The following TMPRSS15 variants were observed in gnomAD, a reference collection of about 807,000 sequenced individuals.
TMPRSS15 encodes the protein enteropeptidase.
Under a neutral mutation model 125.3 loss-of-function variants are expected in TMPRSS15, and 128 were observed. The observed-to-expected ratio is 1.02, with a 90% confidence interval of 0.89 to 1.18. The LOEUF is 1.18. Ranked by LOEUF, TMPRSS15 falls within the 50% of genes most tolerant of loss-of-function variation. The probability of loss-of-function intolerance (pLI) is 0.00; values close to 1 mark genes in which losing one functional copy is unlikely to be tolerated. For missense variants in TMPRSS15, 1,283 were observed against 1,212.7 expected (o/e 1.06, Z -0.86); for synonymous variants, 446 against 423.2 (o/e 1.05, Z -0.66).
chr21:18,344,034 G>C lies in TMPRSS15; in HGVS notation c.1198C>G (p.Pro400Ala), dbSNP rs148444544. 5 of 1,613,740 alleles carry C rather than the reference G, an allele frequency of 3.1e-6. No individual in the cohort carries two copies. The highest frequency in any genetic ancestry group is 4.2e-6 in the Non-Finnish European group (5 of 1,179,988). ...CCCACTCGTTCTTGTCTCCCTCCTG[G>C]TCCAGTTGGGGTAGAAATGTAAAAT... ...SGFYISTPTG[P>A]GGRQERVGLL... The change falls in exon 11 of 25, where the codon CCA becomes GCA. Residue 400 changes from proline (P) to alanine (A), a missense_variant. Transcript: ENST00000284885.
At chr21:18,442,868 C>T (rs139484878) in intron 1 of TMPRSS15, among the ~76,000 whole-genome samples, 85 of 152,260 alleles carry the variant, frequency 5.6e-4, no homozygotes, top group African/African-American at 2.0e-3. Context: ...TCTGACGTAT[C>T]AATTCTATTT....
intron 19 of TMPRSS15, among the ~76,000 whole-genome samples, chr21:18,295,607 T>C (rs533364243): frequency 6.6e-6 from 1 of 152,334 alleles, no homozygotes; most frequent in South Asian, 2.1e-4. Flanking sequence ...CAGGAAAATA[T>C]ATGATAAAGT....
intron 1 of TMPRSS15, among the ~76,000 whole-genome samples, chr21:18,425,609 C>T (rs13050158): frequency 0.31 from 46,636 of 151,930 alleles, 9,091 homozygotes; most frequent in Middle Eastern, 0.46. Flanking sequence ...ATAAGTTATT[C>T]CTCAAACTCT....
chr21:18,385,085 T>C (rs974348203), intron 3 of TMPRSS15, among the ~76,000 whole-genome samples: 2 of 152,162 alleles, frequency 1.3e-5, no homozygotes, highest in African/African-American at 4.8e-5. Context: ...GATGATATAA[T>C]ATTTTTGATA....
intron 3 of TMPRSS15, among the ~76,000 whole-genome samples, chr21:18,393,138 G>A (rs2076004944): frequency 6.6e-6 from 1 of 152,132 alleles, no homozygotes; most frequent in Non-Finnish European, 1.5e-5. Flanking sequence ...GAAGGCCAGA[G>A]TGTGTTTTGG....
chr21:18,353,035 A>T lies in TMPRSS15; in HGVS notation c.1039T>A (p.Cys347Ser). 4 of 1,610,564 alleles carry T rather than the reference A, an allele frequency of 2.5e-6. No homozygotes were observed. Among genetic ancestry groups the T allele is most frequent in the South Asian group, 2.2e-5 (2 of 90,830 alleles). Residue 347 changes from cysteine (C) to serine (S), a missense_variant, in exon 10 of 25, where the codon TGT becomes AGT. By Grantham distance (112) the Cys-to-Ser change is moderately radical (BLOSUM62 -1). Transcript: ENST00000284885. ...AAACAAAAGCCATCCTCAAAGTTACAATTAATTTTCTCATAATCTGTGAAT... is the reference window on the plus strand; with the variant it reads ...AAACAAAAGCCATCCTCAAAGTTACTATTAATTTTCTCATAATCTGTGAAT... ...SELNNYEKIN[C>S]NFEDGFCFWV...
upstream of TMPRSS15, among the ~76,000 whole-genome samples, chr21:18,405,907 A>T (rs2076150407): frequency 6.6e-6 from 1 of 152,218 alleles, no homozygotes; most frequent in Admixed American, 6.5e-5. Context: ...CAATAGTAAC[A>T]CTGACTTTTC....
chr21:18,343,926 C>G (rs373808758), intron 11 of TMPRSS15, 29 bp downstream of exon 11: 238 of 1,587,730 alleles, frequency 1.5e-4, no homozygotes, highest in Non-Finnish European at 1.8e-4. Context: ...TTAAAAAAGA[C>G]AGCGTTTAAA....
At chr21:18,341,689 A>C in intron 12 of TMPRSS15, 141 bp from the exon 13 acceptor site, 1 of 943,406 alleles carries the variant, frequency 1.1e-6, no homozygotes, top group Non-Finnish European at 1.7e-6. Context: ...CCGTTACTAC[A>C]TAGTGAAATC....
chr21:18,426,291 A>C (rs1017438492), intron 1 of TMPRSS15, among the ~76,000 whole-genome samples: 3 of 152,184 alleles, frequency 2.0e-5, no homozygotes, highest in African/African-American at 7.2e-5. Context: ...ATAGTTAATT[A>C]ACTTATCTAT....
intron 1 of TMPRSS15, among the ~76,000 whole-genome samples, chr21:18,454,469 A>C (rs1978402058): frequency 6.6e-6 from 1 of 152,164 alleles, no homozygotes. Context: ...AAGCAAATAC[A>C]AAGGCTGAGA....
At chr21:18,288,463 C>A (rs1446773836) in intron 21 of TMPRSS15, among the ~76,000 whole-genome samples, 2 of 151,762 alleles carry the variant, frequency 1.3e-5, no homozygotes, top group Non-Finnish European at 1.5e-5. Flanking sequence ...TACACTTGTA[C>A]CCCATACATT....
intron 21 of TMPRSS15, among the ~76,000 whole-genome samples, chr21:18,288,034 G>T (rs938612432): frequency 2.0e-5 from 3 of 152,144 alleles, no homozygotes; most frequent in Admixed American, 2.0e-4. Flanking sequence ...ACCTGCATTT[G>T]TGTGTTTATA....
intron 18 of TMPRSS15, among the ~76,000 whole-genome samples, chr21:18,299,890 G>A (rs2074947008): frequency 6.6e-6 from 1 of 152,158 alleles, no homozygotes; most frequent in South Asian, 2.1e-4. Flanking sequence ...AAGCCCTCCA[G>A]GTGATCCTGG....
intron 18 of TMPRSS15, among the ~76,000 whole-genome samples, 167 bp from the exon 19 acceptor site, chr21:18,297,996 G>A (rs1227303923): frequency 6.6e-6 from 1 of 152,250 alleles, no homozygotes; most frequent in South Asian, 2.1e-4. Flanking sequence ...CTATCTAAAG[G>A]ATGATGCAAA....
In TMPRSS15 at chr21:18,330,475, T is replaced by C. The variant is rs117851033; in HGVS notation, c.1655-1181A>G. 2.9e-3 allele frequency among the ~76,000 whole-genome samples: 436 copies of C among 152,262 alleles called. 9 individuals are homozygous for C. Among genetic ancestry groups the C allele is most frequent in the Admixed American group, 0.021 (325 of 15,288 alleles). On this transcript the variant is annotated intron_variant, in intron 14 of 24. Transcript: ENST00000284885. ...CCCATTACCATTATTTAATTTTTCT[T>C]GGAGATTCAAGAAACAGTTGTCTCC...
At chr21:18,429,007 A>G (rs1601459724) in intron 1 of TMPRSS15, among the ~76,000 whole-genome samples, 1 of 152,206 alleles carries the variant, frequency 6.6e-6, no homozygotes, top group African/African-American at 2.4e-5. Context: ...AAGCCACAGG[A>G]CAGAGCTGCC....
intron 18 of TMPRSS15, 77 bp downstream of exon 18, chr21:18,312,868 G>A: frequency 6.4e-7 from 1 of 1,558,254 alleles, no homozygotes; most frequent in Non-Finnish European, 8.8e-7. Flanking sequence ...AAATTTTAAA[G>A]CTCTTATTAA....
At chr21:18,347,692 A>C (rs2075523298) in intron 10 of TMPRSS15, among the ~76,000 whole-genome samples, 1 of 152,208 alleles carries the variant, frequency 6.6e-6, no homozygotes, top group Non-Finnish European at 1.5e-5. Context: ...TAAATTTATT[A>C]AATTTCTACA....
Sources: gnomAD v4.1 joint callset for allele counts (sites outside exome capture counted in the v4.1 genomes callset) on GRCh38, gnomAD v4.1.1 for gene constraint, MANE v1.5 for transcripts, NCBI Gene and HGNC (gene_info 2026-07-23, HGNC 2026-07-21) for gene names.